The following NLRP13 variants were observed in gnomAD, a reference collection of about 807,000 sequenced individuals.
NLRP13 encodes the protein NLR family pyrin domain containing 13.
A neutral mutation model predicts 94.4 loss-of-function variants in NLRP13; 82 were observed. That is an observed-to-expected ratio of 0.87 (90% confidence interval 0.73 to 1.04). The LOEUF (loss-of-function observed/expected upper bound fraction) is 1.04, where lower values mean the gene tolerates loss of function less well. NLRP13 is among the 50% of genes least tolerant of loss of function. NLRP13 has a pLI of 0.00. For synonymous variants in NLRP13, 553 were observed against 464.7 expected (o/e 1.19, Z -2.45); for missense variants, 1,426 against 1,230.8 (o/e 1.16, Z -2.37).
chr19:55,907,703 C>A, intron 7 of NLRP13, 89 bp downstream of exon 7: 1 of 1,221,864 alleles, frequency 8.2e-7, no homozygotes, highest in Non-Finnish European at 1.2e-6. Context: ...TGCTACAAGG[C>A]TGAGTGCTGT....
chr19:55,900,260 A>C (rs1986130512), intron 9 of NLRP13, among the ~76,000 whole-genome samples: 1 of 152,224 alleles, frequency 6.6e-6, no homozygotes, highest in Non-Finnish European at 1.5e-5. Context: ...AAAAATCAGC[A>C]AATTTTATCA....
chr19:55,930,493 C>G (rs1186983037), intron 1 of NLRP13, among the ~76,000 whole-genome samples: 1 of 151,868 alleles, frequency 6.6e-6, no homozygotes, highest in South Asian at 2.1e-4. Context: ...TGAGACCAGC[C>G]TGGCCAACAT....
intron 9 of NLRP13, 63 bp downstream of exon 9, chr19:55,901,972 T>TG: frequency 2.6e-6 from 4 of 1,548,042 alleles, no homozygotes; most frequent in Non-Finnish European, 3.5e-6. Context: ...ACTCAGGCAT[T>TG]GGTGGGTCAA....
Position 55,925,125 on chromosome 19 carries a change from C to T in NLRP13, c.320-90G>A. On this transcript the variant is annotated intron_variant, in intron 1 of 10. Coordinates refer to ENST00000342929, the MANE Select transcript of NLRP13 (RefSeq NM_176810.2). ...AGTCTCTCAGTAGAACCAACTCCTT[C>T]TATGACAAACTGGAGTTTGAAGGTC... 3 of 1,128,176 alleles carry T rather than the reference C, an allele frequency of 2.7e-6. No homozygotes were observed. In the Admixed American group the frequency reaches 5.4e-5, roughly 20 times the overall value. 69.9% of individuals were successfully genotyped at this position (1,128,176 alleles called of 1,614,324 possible). A position where few individuals can be genotyped will look rare whatever the true frequency, so the allele number is the denominator to read the frequency against.
intron 7 of NLRP13, among the ~76,000 whole-genome samples, chr19:55,906,047 G>T (rs1317945970): frequency 1.3e-5 from 2 of 152,104 alleles, no homozygotes; most frequent in African/African-American, 4.8e-5. Flanking sequence ...GTGGTAGGAA[G>T]AAAGAAGAGG....
intron 4 of NLRP13, among the ~76,000 whole-genome samples, chr19:55,917,004 C>A (rs901013589): frequency 4.6e-5 from 7 of 152,116 alleles, no homozygotes; most frequent in African/African-American, 7.2e-5. Context: ...CAAAACCCAT[C>A]AGACTAACAG....
At position 55,896,127 on chromosome 19, in the gene NLRP13, C is replaced by A; in HGVS notation, c.2958-8G>T. ...AGATTGCATTTCGCCAACCTAGGGG[C>A]GGGTGGGAAGAAAGCACAACAGATA... On this transcript the variant is annotated splice_polypyrimidine_tract_variant and splice_region_variant and intron_variant, in intron 10 of 10. Transcript: ENST00000342929. 1 of 1,613,218 alleles carries A rather than the reference C, an allele frequency of 6.2e-7. No homozygotes were observed. Among genetic ancestry groups the A allele is most frequent in the Non-Finnish European group, 8.5e-7 (1 of 1,179,648 alleles).
intron 10 of NLRP13, among the ~76,000 whole-genome samples, chr19:55,896,499 C>T (rs169991): frequency 0.011 from 1,420 of 126,032 alleles, 23 homozygotes; most frequent in African/African-American, 0.043. Context: ...TCCAGCCTGG[C>T]GACAGCAAGA....
At chr19:55,905,137 G>T (rs1372350131) in intron 7 of NLRP13, 25 bp from the exon 8 acceptor site, 4 of 1,611,776 alleles carry the variant, frequency 2.5e-6, no homozygotes, top group Admixed American at 1.7e-5. Context: ...GGTGCAAGGT[G>T]AGCCTCAGCC....
At chr19:55,924,775 G>A in intron 2 of NLRP13, 117 bp from the exon 3 acceptor site, 1 of 920,114 alleles carries the variant, frequency 1.1e-6, no homozygotes, top group Non-Finnish European at 1.8e-6. Flanking sequence ...TGAAGAGACT[G>A]GAGGAATCAG....
In NLRP13 at chr19:55,912,860, A is replaced by G. The variant is rs767074253; in HGVS notation, c.957T>C (p.Ser319=). 7.4e-6 allele frequency: 12 copies of G among 1,614,062 alleles called. No individual in the cohort carries two copies. The highest frequency in any genetic ancestry group is 9.3e-6 in the Non-Finnish European group (11 of 1,180,040). Residue 319 remains serine (S), a synonymous_variant, in exon 5 of 11, where the codon TCT becomes TCC. Transcript: ENST00000342929. ...IIDGFEEIII[S]ESRSESLDDG... ...CATCCAAGCTCTCAGAGCGTGACTC[A>G]GATATGATTATTTCCTCAAAGCCAT... is the stretch of plus-strand genomic sequence containing the variant.
At chr19:55,901,980 C>G (rs996806400) in intron 9 of NLRP13, 55 bp downstream of exon 9, 1 of 1,579,832 alleles carries the variant, frequency 6.3e-7, no homozygotes, top group African/African-American at 1.3e-5. Flanking sequence ...ATTGGTGGGT[C>G]AATTCCCATG....
At chr19:55,930,424 G>A (rs11667376) in intron 1 of NLRP13, among the ~76,000 whole-genome samples, 27,989 of 151,950 alleles carry the variant, frequency 0.18, 2,779 homozygotes, top group African/African-American at 0.26. Context: ...GGTGGCTCAC[G>A]CCTGTAATCC....
rs1568694578 is a variant in NLRP13, at chr19:55,912,482, G to C, written c.1335C>G (p.Leu445=). Residue 445 remains leucine (L), a synonymous_variant, in exon 5 of 11, where the codon CTC becomes CTG. Coordinates refer to ENST00000342929, the MANE Select transcript of NLRP13 (RefSeq NM_176810.2). ...TGGTGGTAGTCTGAGTGATTGACTG[G>C]AGATCGTAATACCTCACCTTCGGCT... ...LKQPKVRYYD[L]QSITQTTTSL... 6.2e-7 allele frequency: 1 copy of C among 1,614,118 alleles called. No individual in the cohort carries two copies. The highest frequency in any genetic ancestry group is 1.1e-5 in the South Asian group (1 of 91,080).
At chr19:55,898,708 A>C (rs1182372019) in intron 10 of NLRP13, 62 bp downstream of exon 10, 1 of 1,483,680 alleles carries the variant, frequency 6.7e-7, no homozygotes, top group Non-Finnish European at 9.1e-7. Context: ...GGATCCGATC[A>C]TATCTCCCCA....
chr19:55,923,982 GAAAT>G lies in NLRP13; in HGVS notation c.458-7_458-4del. On this transcript the variant is annotated splice_region_variant and splice_polypyrimidine_tract_variant and intron_variant, in intron 3 of 10. Transcript: ENST00000342929. ...GCATCCCTGGGCCTGTACATTCCCT[GAAAT>G]AAACAGTGATGATGAGATATGAAAA... is the stretch of plus-strand genomic sequence containing the variant. The G allele has an allele frequency of 6.2e-7, 1 of 1,612,018 alleles. No individual in the cohort carries two copies. The highest frequency in any genetic ancestry group is 8.5e-7 in the Non-Finnish European group (1 of 1,178,230).
At chr19:55,896,212 C>G in intron 10 of NLRP13, 93 bp from the exon 11 acceptor site, 3 of 1,372,710 alleles carry the variant, frequency 2.2e-6, no homozygotes, top group Non-Finnish European at 3.0e-6. Flanking sequence ...AAAACTATTA[C>G]TAAAGCAGAC....
In NLRP13 at chr19:55,932,037, A is replaced by T. The variant is rs1166592838; in HGVS notation, c.275T>A (p.Met92Lys). 6.2e-7 allele frequency: 1 copy of T among 1,613,914 alleles called. No individual in the cohort carries two copies. Among genetic ancestry groups the T allele is most frequent in the South Asian group, 1.1e-5 (1 of 91,064 alleles). The change falls in exon 1 of 11, where the codon ATG (methionine) becomes AAG (lysine). Residue 92 changes from methionine (M) to lysine (K), a missense_variant. Transcript: ENST00000342929. Reference sequence around the variant, plus strand: ...TTTCTCACACAGTGAGGTCAGATTCATTGTCTGGAAGATGCCGAGGACCAC... The same window carrying T: ...TTTCTCACACAGTGAGGTCAGATTCTTTGTCTGGAAGATGCCGAGGACCAC... ...WKVVLGIFQTMNLTSLCEKVR... is the reference protein window; with the variant it reads ...WKVVLGIFQTKNLTSLCEKVR...
downstream of NLRP13, chr19:55,892,013 C>T (rs2123092283): frequency 9.8e-7 from 1 of 1,023,794 alleles, no homozygotes; most frequent in East Asian, 3.3e-5. Flanking sequence ...ACCACCACCA[C>T]TTGTCTTCAA....
Sources: gnomAD v4.1 joint callset for allele counts (sites outside exome capture counted in the v4.1 genomes callset) on GRCh38, gnomAD v4.1.1 for gene constraint, MANE v1.5 for transcripts, NCBI Gene and HGNC (gene_info 2026-07-23, HGNC 2026-07-21) for gene names.